TBC1D24: variants seen among roughly 807,000 people sequenced by gnomAD.
The protein encoded by TBC1D24 is TBC1 domain family member 24, also known as Infantile myoclonic epilepsy.
Under a neutral mutation model 50.7 loss-of-function variants are expected in TBC1D24, and 47 were observed. The observed-to-expected ratio is 0.93, with a 90% CI of 0.73 to 1.18. TBC1D24 has a LOEUF of 1.18. Among genes scored for constraint, TBC1D24 ranks in the 50% most tolerant of loss-of-function variants. The pLI, the probability that TBC1D24 is intolerant of heterozygous loss-of-function variation, is 0.00. For missense variants in TBC1D24, 688 were observed against 766.5 expected, an observed-to-expected ratio of 0.90 and a Z score of 1.21; for synonymous variants, 324 against 335.2, an observed-to-expected ratio of 0.97 and a Z score of 0.36.
In TBC1D24 at chr16:2,487,355, G is replaced by A. The variant is rs1454961116; in HGVS notation, c.-115-8679G>A. On this transcript the variant is annotated intron_variant, in intron 1 of 7. Coordinates refer to ENST00000646147, the MANE Select transcript of TBC1D24 (RefSeq NM_001199107.2). The surrounding 1 kb of genome is among the most constrained non-coding windows in gnomAD (Gnocchi z 4.1). ...ACTAACTGCAGGACGAGGGAGCCGC[G>A]GTCGTATGCTGCCTCCTCACGTTTG... Among the ~76,000 whole-genome samples the A allele has an allele frequency of 1.3e-5, 2 of 152,228 alleles. No individual in the cohort carries two copies. Among genetic ancestry groups the A allele is most frequent in the Non-Finnish European group, 2.9e-5 (2 of 68,044 alleles).
chr16:2,495,502 C>T (rs998268740), intron 1 of TBC1D24, among the ~76,000 whole-genome samples: 1 of 151,994 alleles, frequency 6.6e-6, no homozygotes, highest in Non-Finnish European at 1.5e-5. Context: ...AAAAATTAGG[C>T]CAGGGCGGTG....
chr16:2,475,710 C>T lies in TBC1D24; in HGVS notation c.-116+540C>T, dbSNP rs187810270. On this transcript the variant is annotated intron_variant, in intron 1 of 7. Coordinates refer to ENST00000646147, the MANE Select transcript of TBC1D24 (RefSeq NM_001199107.2). This position sits in a 1 kb window ranked among gnomAD's most constrained non-coding sequence, Gnocchi z 4.2. ...CAGTGGGGGGCCCCTCTGGGTGCGCCGTGCCAGGCGGCCGCTGTCCTTCGG... is the reference window on the plus strand; with the variant it reads ...CAGTGGGGGGCCCCTCTGGGTGCGCTGTGCCAGGCGGCCGCTGTCCTTCGG... Among the ~76,000 whole-genome samples the T allele has an allele frequency of 0.011, 1,722 of 152,018 alleles. 17 individuals are homozygous for T. The highest frequency in any genetic ancestry group is 0.017 in the Non-Finnish European group (1,173 of 67,968).
rs1330536547 is a variant in TBC1D24 at position 2,502,041 on chromosome 16, C to G, written c.*1083C>G. On this transcript the variant is annotated 3_prime_UTR_variant, in exon 8 of 8. Transcript: ENST00000646147. Reference sequence around the variant, plus strand: ...CCCCGTGCCCTCCCCTGGCCCTGGCCACACAGCACCTCCTTGGCCACCTTG... The same window carrying G: ...CCCCGTGCCCTCCCCTGGCCCTGGCGACACAGCACCTCCTTGGCCACCTTG... The G allele has an allele frequency of 6.5e-6, 1 of 152,868 alleles. No homozygotes were observed. Among genetic ancestry groups the G allele is most frequent in the Non-Finnish European group, 1.5e-5 (1 of 68,470 alleles). 9.5% of individuals were successfully genotyped at this position (152,868 alleles called of 1,614,324 possible). A position where few individuals can be genotyped will look rare whatever the true frequency, so the allele number is the denominator to read the frequency against.
chr16:2,481,987 CA>C (rs1791975830), intron 1 of TBC1D24: 1 of 152,274 alleles, frequency 6.6e-6, no homozygotes, highest in African/African-American at 2.4e-5. Context: ...ACTTGGTAGT[CA>C]CTGTGGCATG....
In TBC1D24 at chr16:2,499,279, G is replaced by A; in HGVS notation, c.1143-78G>A. ...GTTCCCAGGTCTTCGCCCCAAGACAGCTGGGGCCAGCGGAGGCTGCAGGAG... is the reference window on the plus strand; with the variant it reads ...GTTCCCAGGTCTTCGCCCCAAGACAACTGGGGCCAGCGGAGGCTGCAGGAG... On this transcript the variant is annotated intron_variant, in intron 4 of 7. Transcript: ENST00000646147. This position sits in a 1 kb window ranked among gnomAD's most constrained non-coding sequence, Gnocchi z 4.0. The A allele has an allele frequency of 7.4e-7, 1 of 1,353,488 alleles. No individual in the cohort carries two copies. The allele number at this position is 1,353,488 out of a possible 1,614,324, so 83.8% of individuals were successfully genotyped here. A position where few individuals can be genotyped will look rare whatever the true frequency, so the allele number is the denominator to read the frequency against.
In TBC1D24 at chr16:2,487,392, G is replaced by T. The variant is rs1448661664; in HGVS notation, c.-115-8642G>T. Among the ~76,000 whole-genome samples the T allele has an allele frequency of 2.0e-5, 3 of 152,256 alleles. No homozygotes were observed. The highest frequency in any genetic ancestry group is 2.9e-5 in the Non-Finnish European group (2 of 68,044). ...CCTCCTCACGTTTGCTGTGACCTGG[G>T]ACAGGAGCGGTCCCCAGGAAGGGAG... On this transcript the variant is annotated intron_variant, in intron 1 of 7. Coordinates refer to ENST00000646147, the MANE Select transcript of TBC1D24 (RefSeq NM_001199107.2). The surrounding 1 kb of genome is among the most constrained non-coding windows in gnomAD (Gnocchi z 4.1).
In TBC1D24 at chr16:2,496,964, C is replaced by T. The variant is rs796053402; in HGVS notation, c.816C>T (p.Phe272=). The change falls in exon 2 of 8, where the codon TTC becomes TTT. Residue 272 remains phenylalanine (F), a synonymous_variant. Coordinates refer to ENST00000646147, the MANE Select transcript of TBC1D24 (RefSeq NM_001199107.2). ...SDSVKQDIRT[F]VRDIAKTVSP... is the part of the protein sequence containing the mutation. ...GCGTGAAGCAGGACATCCGCACGTT[C>T]GTCAGAGACATCGCGAAGACGGTGT... 5 of 1,614,012 alleles carry T rather than the reference C, an allele frequency of 3.1e-6. No homozygotes were observed. Among genetic ancestry groups the T allele is most frequent in the Middle Eastern group, 1.6e-4 (1 of 6,062 alleles).
chr16:2,497,451 T>C (rs1194037340), intron 2 of TBC1D24, among the ~76,000 whole-genome samples: 1 of 152,208 alleles, frequency 6.6e-6, no homozygotes, highest in African/African-American at 2.4e-5. Flanking sequence ...GCTCCGTGGC[T>C]GGTCTCTGCT....
rs886051844 is a variant in TBC1D24, at chr16:2,496,299, C to T, written c.151C>T (p.Arg51Trp). The change falls in exon 2 of 8, where the codon CGG becomes TGG. Residue 51 changes from arginine to tryptophan, a missense_variant. Arg to Trp is a moderately radical substitution (Grantham distance 101). Coordinates refer to ENST00000646147, the MANE Select transcript of TBC1D24 (RefSeq NM_001199107.2). ...QGYWAQSHAL[R>W]GKVYQRLIRD... ...CTACTGGGCCCAAAGCCACGCCCTG[C>T]GGGGAAAGGTGTACCAGCGCCTGAT... The T allele has an allele frequency of 6.2e-6, 10 of 1,613,678 alleles. No individual in the cohort carries two copies. The highest frequency in any genetic ancestry group is 1.7e-5 in the Admixed American group (1 of 60,026).
Position 2,499,962 on chromosome 16 carries a change from C to G in TBC1D24, c.1302+32C>G, listed in dbSNP as rs9938969. 1 of 1,593,694 alleles carries G rather than the reference C, an allele frequency of 6.3e-7. No individual in the cohort carries two copies. The highest frequency in any genetic ancestry group is 1.1e-5 in the South Asian group (1 of 90,666). ...GGGGCCAAGTGTCCCCAAACCCCCA[C>G]GCAGACCCTGTAGCTGCATCCCTCC... On this transcript the variant is annotated intron_variant, in intron 6 of 7. Coordinates refer to ENST00000646147, the MANE Select transcript of TBC1D24 (RefSeq NM_001199107.2). The surrounding 1 kb of genome is among the most constrained non-coding windows in gnomAD (Gnocchi z 4.0).
intron 3 of TBC1D24, 43 bp from the exon 4 acceptor site, chr16:2,498,195 C>A: frequency 1.9e-6 from 3 of 1,558,994 alleles, no homozygotes; most frequent in Non-Finnish European, 2.6e-6. Context: ...TGGCCTGGCC[C>A]CAGACGTGCC....
rs2065745415 is a variant in TBC1D24 at position 2,496,774 on chromosome 16, A to C, written c.626A>C (p.Tyr209Ser). The C allele has an allele frequency of 6.2e-7, 1 of 1,614,012 alleles. No individual in the cohort carries two copies. The highest frequency in any genetic ancestry group is 8.5e-7 in the Non-Finnish European group (1 of 1,180,042). Residue 209 changes from tyrosine (Y) to serine (S), a missense_variant, in exon 2 of 8, where the codon TAT becomes TCT. Coordinates refer to ENST00000646147, the MANE Select transcript of TBC1D24 (RefSeq NM_001199107.2). The stretch of plus-strand genomic sequence containing the variant: ...GTGTCGGAGGATGTCCTGCAGGTCT[A>C]TGCGGACTGGCAGCGCTGGCTGTTT... Reference protein sequence around the residue: ...VAVSEDVLQVYADWQRWLFGE... With the variant: ...VAVSEDVLQVSADWQRWLFGE...
Position 2,500,855 on chromosome 16 carries a change from G to T in TBC1D24, c.1577G>T (p.Arg526Leu). Residue 526 changes from arginine to leucine, a missense_variant, in exon 8 of 8, where the codon CGC becomes CTC. Coordinates refer to ENST00000646147, the MANE Select transcript of TBC1D24 (RefSeq NM_001199107.2). The surrounding 1 kb of genome is among the most constrained non-coding windows in gnomAD (Gnocchi z 8.0). ...ATCGATGGGGACCTGAACCGGGGCCGCACAAGCCACTGCGACACCTTCAAC... is the reference window on the plus strand; with the variant it reads ...ATCGATGGGGACCTGAACCGGGGCCTCACAAGCCACTGCGACACCTTCAAC... ...LYIDGDLNRGRTSHCDTFNNQ... is the reference protein window; with the variant it reads ...LYIDGDLNRGLTSHCDTFNNQ... The T allele has an allele frequency of 6.2e-7, 1 of 1,609,666 alleles. No homozygotes were observed. The highest frequency in any genetic ancestry group is 8.5e-7 in the Non-Finnish European group (1 of 1,179,766).
In TBC1D24 at chr16:2,500,068, C is replaced by T. The variant is rs9939054; in HGVS notation, c.1302+138C>T. On this transcript the variant is annotated intron_variant, in intron 6 of 7. Transcript: ENST00000646147. This position sits in a 1 kb window ranked among gnomAD's most constrained non-coding sequence, Gnocchi z 8.0. ...GCAGCGTCATCGCCCTGTGTGCTTC[C>T]GGGTTTGATCATTCAGCCGTGCGCT... The T allele has an allele frequency of 5.2e-3, 5,028 of 971,590 alleles. 153 individuals carry two copies. In the African/African-American group the frequency reaches 0.067, roughly 13 times the overall value. The allele number at this position is 971,590 out of a possible 1,614,324, so 60.2% of individuals were successfully genotyped here.
rs778771421 is a variant in TBC1D24 at position 2,499,315 on chromosome 16, G to A, written c.1143-42G>A. The A allele has an allele frequency of 1.9e-6, 3 of 1,587,478 alleles. No homozygotes were observed. Among genetic ancestry groups the A allele is most frequent in the Non-Finnish European group, 2.6e-6 (3 of 1,162,096 alleles). ...CGGAGGCTGCAGGAGGCGGCTGGGAGGGTGTGCAGGGTGACAGCTGGCATG... is the reference window on the plus strand; with the variant it reads ...CGGAGGCTGCAGGAGGCGGCTGGGAAGGTGTGCAGGGTGACAGCTGGCATG... On this transcript the variant is annotated intron_variant, in intron 4 of 7. Transcript: ENST00000646147. The surrounding 1 kb of genome is among the most constrained non-coding windows in gnomAD (Gnocchi z 4.0).
At chr16:2,477,235 C>T (rs1402561435) in intron 1 of TBC1D24, 2 of 152,190 alleles carry the variant, frequency 1.3e-5, no homozygotes, top group African/African-American at 4.8e-5. Flanking sequence ...TTACTGAGGA[C>T]CAACTTGAAT....
At position 2,502,447 on chromosome 16, in the gene TBC1D24, CT is replaced by C. The variant is rs1045285368; in HGVS notation, c.*1491del. On this transcript the variant is annotated 3_prime_UTR_variant, in exon 8 of 8. Transcript: ENST00000646147. ...CCCTGCTGGCCTCCAGCCAGTGCCA[CT>C]TGGAGTCCCCTGCACCGTGCCACTT... 86 of 152,232 alleles carry C rather than the reference CT, an allele frequency of 5.6e-4. No individual in the cohort carries two copies. Among genetic ancestry groups the C allele is most frequent in the African/African-American group, 1.8e-3 (73 of 41,498 alleles). 9.4% of individuals were successfully genotyped at this position (152,232 alleles called of 1,614,324 possible).
chr16:2,488,999 G>A (rs144394342), intron 1 of TBC1D24, among the ~76,000 whole-genome samples: 2,450 of 150,834 alleles, frequency 0.016, 51 homozygotes, highest in African/African-American at 0.052. Context: ...GAACCCGGGA[G>A]GCAGAGGTTG....
rs370602601 is a variant in TBC1D24, at chr16:2,500,972, G to A, written c.*14G>A. ...GACACCCAGTGACGGCCTGTGCCACGGTGACTGAGCCGTGGTGGGGCGGTG... is the reference window on the plus strand; with the variant it reads ...GACACCCAGTGACGGCCTGTGCCACAGTGACTGAGCCGTGGTGGGGCGGTG... On this transcript the variant is annotated 3_prime_UTR_variant, in exon 8 of 8. Transcript: ENST00000646147. The surrounding 1 kb of genome is among the most constrained non-coding windows in gnomAD (Gnocchi z 8.0). The A allele has an allele frequency of 2.2e-5, 36 of 1,608,066 alleles. No homozygotes were observed. Among genetic ancestry groups the A allele is most frequent in the Admixed American group, 6.7e-5 (4 of 59,980 alleles).
Sources: gnomAD v4.1 joint callset for allele counts (sites outside exome capture counted in the v4.1 genomes callset) on GRCh38, gnomAD v4.1.1 for gene constraint, Gnocchi (gnomAD v3.1) non-coding constraint, MANE v1.5 for transcripts, NCBI Gene and HGNC (gene_info 2026-07-23, HGNC 2026-07-21) for gene names.